Variants in TPST1 observed in about 807,000 individuals in gnomAD.
TPST1 encodes the protein tyrosylprotein sulfotransferase 1.
TPST1 carries 20 observed loss-of-function variants against 34.8 expected under a neutral mutation model. That is an observed-to-expected ratio of 0.57 (90% CI 0.40 to 0.84). TPST1 has a LOEUF of 0.84. TPST1 is among the 40% of genes least tolerant of loss of function. TPST1 has a pLI of 0.00. For missense variants in TPST1, 353 were observed against 455.5 expected, an observed-to-expected ratio of 0.78 and a Z score of 2.05; for synonymous variants, 152 against 159.4, an observed-to-expected ratio of 0.95 and a Z score of 0.35.
intron 2 of TPST1, among the ~76,000 whole-genome samples, chr7:66,278,448 T>C (rs759853140): frequency 6.6e-5 from 10 of 152,080 alleles, no homozygotes; most frequent in Non-Finnish European, 1.3e-4. Context: ...GTGAAGATAC[T>C]CTTCGTGATT....
At chr7:66,357,001 T>C in intron 5 of TPST1, 130 bp downstream of exon 5, 1 of 794,932 alleles carries the variant, frequency 1.3e-6, no homozygotes, top group Non-Finnish European at 2.1e-6. Flanking sequence ...CTCTTCACTT[T>C]CTGTGTGGAA....
At chr7:66,266,891 C>G (rs1790603781) in intron 2 of TPST1, among the ~76,000 whole-genome samples, 1 of 151,932 alleles carries the variant, frequency 6.6e-6, no homozygotes, top group Non-Finnish European at 1.5e-5. Context: ...GGAGGCAACA[C>G]AAAAGAGACT....
At chr7:66,359,473 C>T (rs533552130) in intron 5 of TPST1, 1 of 165,404 alleles carries the variant, frequency 6.0e-6, no homozygotes, top group South Asian at 1.6e-4. Context: ...AAGGAGGAAT[C>T]AGGGTCTTGA....
At chr7:66,276,364 T>TTATATATATATATATATATATATATATA (rs1224664878) in intron 2 of TPST1, among the ~76,000 whole-genome samples, 3 of 47,120 alleles carry the variant, frequency 6.4e-5, no homozygotes, top group African/African-American at 2.5e-4. Flanking sequence ...TAAAAACATT[T>TTATATATATATATATATATATATATATA]CATATATATA....
intron 5 of TPST1, among the ~76,000 whole-genome samples, chr7:66,358,611 G>A (rs1792629740): frequency 6.6e-6 from 1 of 152,144 alleles, no homozygotes; most frequent in South Asian, 2.1e-4. Flanking sequence ...CATGGACGCT[G>A]GTCCGTCATG....
intron 3 of TPST1, among the ~76,000 whole-genome samples, chr7:66,299,794 C>G (rs1160329841): frequency 6.6e-6 from 1 of 152,158 alleles, no homozygotes; most frequent in Non-Finnish European, 1.5e-5. Context: ...AATTATTTAA[C>G]ATATTCATAA....
At chr7:66,220,048 A>T (rs1236035338) in intron 1 of TPST1, among the ~76,000 whole-genome samples, 1 of 151,260 alleles carries the variant, frequency 6.6e-6, no homozygotes, top group Admixed American at 6.6e-5. Flanking sequence ...GGGTCAAAGG[A>T]AAAAAAAAGG....
At chr7:66,341,703 C>T (rs1214548561) in intron 3 of TPST1, among the ~76,000 whole-genome samples, 1 of 152,164 alleles carries the variant, frequency 6.6e-6, no homozygotes, top group African/African-American at 2.4e-5. Flanking sequence ...ATAGCCAAGA[C>T]TTGCCAGAAA....
chr7:66,259,771 A>G (rs530787958), intron 2 of TPST1, among the ~76,000 whole-genome samples: 2 of 152,160 alleles, frequency 1.3e-5, no homozygotes, highest in Non-Finnish European at 2.9e-5. Context: ...ATTATAACCC[A>G]AAGTCCATAG....
In TPST1 at chr7:66,286,410, C is replaced by T. The variant is rs1428132306; in HGVS notation, c.846-101C>T. The T allele has an allele frequency of 4.4e-6, 4 of 914,020 alleles. No homozygotes were observed. In the African/African-American group the frequency reaches 6.9e-5, roughly 16 times the overall value. 56.6% of individuals were successfully genotyped at this position (914,020 alleles called of 1,614,324 possible). On this transcript the variant is annotated intron_variant, in intron 2 of 5. Transcript: ENST00000304842. The stretch of plus-strand genomic sequence containing the variant: ...CCTCTTTCTCAATTGTTTTGTAATC[C>T]AGACAACTGTTAGTCATTAAAACAT...
At chr7:66,269,479 A>G (rs76224501) in intron 2 of TPST1, among the ~76,000 whole-genome samples, 2,403 of 152,352 alleles carry the variant, frequency 0.016, 61 homozygotes, top group East Asian at 0.093. Flanking sequence ...TACTACATCA[A>G]TAAATTAAAG....
chr7:66,235,184 AT>A lies in TPST1; in HGVS notation c.-101-5122del, dbSNP rs767189278. Among the ~76,000 whole-genome samples, 971 of 129,806 alleles carry A rather than the reference AT, an allele frequency of 7.5e-3. 7 individuals carry two copies. The highest frequency in any genetic ancestry group is 0.038 in the East Asian group (164 of 4,364). 85.2% of individuals were successfully genotyped at this position (129,806 alleles called of 152,430 possible). ...ATAATGGATGCAATGTTCTGCATAG[AT>A]TTTTTTTTTTTTTTTTTTGAGACAG... On this transcript the variant is annotated intron_variant, in intron 1 of 5. Coordinates refer to ENST00000304842, the MANE Select transcript of TPST1 (RefSeq NM_003596.4).
chr7:66,329,989 A>G (rs993839161), intron 3 of TPST1, among the ~76,000 whole-genome samples: 4 of 152,134 alleles, frequency 2.6e-5, no homozygotes, highest in Non-Finnish European at 5.9e-5. Context: ...AAAACTACCT[A>G]TTGGGTACTG....
At chr7:66,321,807 G>A (rs1360070803) in intron 3 of TPST1, among the ~76,000 whole-genome samples, 2 of 152,144 alleles carry the variant, frequency 1.3e-5, no homozygotes, top group East Asian at 1.9e-4. Flanking sequence ...TCTCATTTTG[G>A]TTTACATTTT....
At chr7:66,319,043 A>G (rs568861999) in intron 3 of TPST1, among the ~76,000 whole-genome samples, 1 of 152,228 alleles carries the variant, frequency 6.6e-6, no homozygotes, top group South Asian at 2.1e-4. Flanking sequence ...TTTTACTACA[A>G]TATAGCTAAC....
intron 3 of TPST1, among the ~76,000 whole-genome samples, chr7:66,302,456 C>T (rs1791336240): frequency 6.6e-6 from 1 of 152,192 alleles, no homozygotes; most frequent in Non-Finnish European, 1.5e-5. Flanking sequence ...CTCCCACCAG[C>T]ACTTACTAAG....
intron 3 of TPST1, among the ~76,000 whole-genome samples, chr7:66,348,769 G>A (rs879601978): frequency 1.1e-4 from 17 of 152,152 alleles, no homozygotes; most frequent in African/African-American, 1.9e-4. Flanking sequence ...TGTTATTTTC[G>A]TCGGTTTTAC....
chr7:66,276,563 T>G (rs74786190), intron 2 of TPST1, among the ~76,000 whole-genome samples: 4,164 of 151,474 alleles, frequency 0.027, 85 homozygotes, highest in Non-Finnish European at 0.045. Flanking sequence ...TCAATTAGTT[T>G]AAATTGGAAA....
Position 66,246,179 on chromosome 7 carries a change from ATTTTTT to A in TPST1, c.845+4933_845+4938del, listed in dbSNP as rs35051150. Among the ~76,000 whole-genome samples the A allele has an allele frequency of 1.2e-3, 114 of 92,390 alleles. 1 individual carries two copies. The highest frequency in any genetic ancestry group is 5.1e-3 in the East Asian group (13 of 2,560). 60.6% of individuals were successfully genotyped at this position (92,390 alleles called of 152,430 possible). A position where few individuals can be genotyped will look rare whatever the true frequency, so the allele number is the denominator to read the frequency against. On this transcript the variant is annotated intron_variant, in intron 2 of 5. Transcript: ENST00000304842. ...AGGTGCATGCCATCATGCCTGGCTA[ATTTTTT>A]TTTTTTTTTTTTTTTTTTTTTTTGG...
Sources: gnomAD v4.1 joint callset for allele counts (sites outside exome capture counted in the v4.1 genomes callset) on GRCh38, gnomAD v4.1.1 for gene constraint, MANE v1.5 for transcripts, NCBI Gene and HGNC (gene_info 2026-07-23, HGNC 2026-07-21) for gene names.